The following PLCL1 variants were observed in gnomAD, a reference collection of about 807,000 sequenced individuals.
PLCL1 encodes the protein inactive phospholipase C-like protein 1.
PLCL1 carries 41 observed loss-of-function variants against 84.4 expected under a neutral mutation model. The ratio of observed to expected loss-of-function variants is 0.49; its 90% CI spans 0.38 to 0.63. The LOEUF (loss-of-function observed/expected upper bound fraction) is 0.63, where lower values mean the gene tolerates loss of function less well. PLCL1 is among the 30% of genes least tolerant of loss of function. The pLI is 0.00. For synonymous variants in PLCL1, 490 were observed against 488.3 expected, an observed-to-expected ratio of 1.00 and a Z score of -0.05; for missense variants, 1,206 against 1,367.8, an observed-to-expected ratio of 0.88 and a Z score of 1.87.
intron 1 of PLCL1, among the ~76,000 whole-genome samples, chr2:197,847,823 G>T (rs1161303448): frequency 6.6e-6 from 1 of 152,186 alleles, no homozygotes; most frequent in African/African-American, 2.4e-5. Flanking sequence ...ATGCCAAGCT[G>T]CATGTGACAG....
chr2:197,827,606 T>C (rs916330979), intron 1 of PLCL1, among the ~76,000 whole-genome samples: 9 of 152,160 alleles, frequency 5.9e-5, no homozygotes, highest in Non-Finnish European at 1.2e-4. Context: ...AATAAATCCA[T>C]TCAACTTTTG....
chr2:198,136,847 C>G (rs1226480990), intron 5 of PLCL1, among the ~76,000 whole-genome samples: 1 of 152,106 alleles, frequency 6.6e-6, no homozygotes, highest in Admixed American at 6.6e-5. Context: ...TTTTCCAGCA[C>G]TTATCCCACT....
Position 198,148,627 on chromosome 2 carries a change from T to C in PLCL1, c.*1665T>C, listed in dbSNP as rs1694581573. On this transcript the variant is annotated 3_prime_UTR_variant, in exon 6 of 6. Transcript: ENST00000428675. Reference sequence around the variant, plus strand: ...CCTGAAAAAATTTCTTTACCCTCTGTTATATTTAACTTGCTGGTAGGAGGA... The same window carrying C: ...CCTGAAAAAATTTCTTTACCCTCTGCTATATTTAACTTGCTGGTAGGAGGA... 1.3e-5 allele frequency: 2 copies of C among 152,260 alleles called. No individual in the cohort carries two copies. The highest frequency in any genetic ancestry group is 1.9e-4 in the East Asian group (1 of 5,324). 9.4% of individuals were successfully genotyped at this position (152,260 alleles called of 1,614,324 possible).
At chr2:197,846,066 G>A (rs1687116175) in intron 1 of PLCL1, among the ~76,000 whole-genome samples, 1 of 152,040 alleles carries the variant, frequency 6.6e-6, no homozygotes, top group African/African-American at 2.4e-5. Flanking sequence ...GAGAGGAAGA[G>A]GGGTATAAAA....
intron 1 of PLCL1, among the ~76,000 whole-genome samples, chr2:197,973,237 T>A (rs890849169): frequency 3.9e-5 from 6 of 152,308 alleles, no homozygotes; most frequent in African/African-American, 7.2e-5. Flanking sequence ...AAGTGCACTT[T>A]GCTTGGCGAC....
intron 1 of PLCL1, among the ~76,000 whole-genome samples, chr2:198,066,028 T>C (rs2105881130): frequency 6.6e-6 from 1 of 152,252 alleles, no homozygotes; most frequent in African/African-American, 2.4e-5. Flanking sequence ...TTACTGAAAA[T>C]TTCAAGGAAT....
chr2:197,875,362 A>T (rs1687715413), intron 1 of PLCL1, among the ~76,000 whole-genome samples: 1 of 152,186 alleles, frequency 6.6e-6, no homozygotes, highest in Admixed American at 6.5e-5. Flanking sequence ...GGATAAGGAC[A>T]GTCAGGAAAT....
intron 1 of PLCL1, among the ~76,000 whole-genome samples, chr2:197,835,502 C>T (rs758265980): frequency 3.1e-4 from 47 of 152,182 alleles, no homozygotes; most frequent in Non-Finnish European, 6.0e-4. Flanking sequence ...GTTATACTTT[C>T]TGTCTCTATG....
At chr2:197,914,089 A>G (rs1688542298) in intron 1 of PLCL1, among the ~76,000 whole-genome samples, 2 of 152,146 alleles carry the variant, frequency 1.3e-5, no homozygotes, top group South Asian at 2.1e-4. Flanking sequence ...GTAACCACTG[A>G]TAGTGTGGTC....
At chr2:198,133,533 A>G (rs1038425082) in intron 5 of PLCL1, among the ~76,000 whole-genome samples, 2 of 151,784 alleles carry the variant, frequency 1.3e-5, no homozygotes, top group African/African-American at 4.8e-5. Flanking sequence ...TAATAAAAAA[A>G]AAAAACTTCC....
At chr2:197,897,666 A>C (rs1421835915) in intron 1 of PLCL1, among the ~76,000 whole-genome samples, 1 of 152,234 alleles carries the variant, frequency 6.6e-6, no homozygotes, top group Non-Finnish European at 1.5e-5. Flanking sequence ...TTTAGTGACC[A>C]AAAACATAAA....
At chr2:198,010,023 C>T (rs1398161167) in intron 1 of PLCL1, among the ~76,000 whole-genome samples, 4 of 151,902 alleles carry the variant, frequency 2.6e-5, no homozygotes, top group African/African-American at 9.7e-5. Flanking sequence ...TTTTGATCAT[C>T]GATTTTGAAT....
intron 5 of PLCL1, among the ~76,000 whole-genome samples, chr2:198,128,182 C>T (rs1216121432): frequency 6.6e-6 from 1 of 152,124 alleles, no homozygotes; most frequent in Non-Finnish European, 1.5e-5. Flanking sequence ...CTGAATGGAC[C>T]TGTCCTATGG....
intron 1 of PLCL1, among the ~76,000 whole-genome samples, chr2:198,080,929 G>A (rs934029085): frequency 1.3e-5 from 2 of 152,154 alleles, no homozygotes; most frequent in African/African-American, 4.8e-5. Flanking sequence ...CAGGCTAGAT[G>A]TAAAACATGT....
chr2:198,107,830 A>T (rs189201600), intron 5 of PLCL1, among the ~76,000 whole-genome samples: 1 of 152,006 alleles, frequency 6.6e-6, no homozygotes, highest in Admixed American at 6.6e-5. Context: ...CAGCTTGAGC[A>T]CTAGAGTAGT....
At chr2:198,134,545 T>C (rs971153598) in intron 5 of PLCL1, among the ~76,000 whole-genome samples, 1 of 152,172 alleles carries the variant, frequency 6.6e-6, no homozygotes, top group African/African-American at 2.4e-5. Context: ...CATGCCAGCA[T>C]AGAAGGGTGG....
intron 1 of PLCL1, among the ~76,000 whole-genome samples, chr2:198,059,132 A>G (rs1158203552): frequency 9.2e-5 from 14 of 151,912 alleles, no homozygotes; most frequent in Admixed American, 9.2e-4. Context: ...TATTCTGGCT[A>G]CTCTCCTGTA....
rs142325664 is a variant in PLCL1 at position 197,920,025 on chromosome 2, G to A, written c.240+114686G>A. Among the ~76,000 whole-genome samples, 260 of 152,222 alleles carry A rather than the reference G, an allele frequency of 1.7e-3. 1 individual carries two copies. The highest frequency in any genetic ancestry group is 0.014 in the Middle Eastern group (4 of 294). On this transcript the variant is annotated intron_variant, in intron 1 of 5. Coordinates refer to ENST00000428675, the MANE Select transcript of PLCL1 (RefSeq NM_006226.4). ...AGGGTAATAATAATGCCTAGCCATA[G>A]GGTGGTCATGAAAATGAAATAAGAT...
intron 5 of PLCL1, among the ~76,000 whole-genome samples, chr2:198,126,531 G>A (rs767766369): frequency 6.6e-6 from 1 of 152,092 alleles, no homozygotes; most frequent in Non-Finnish European, 1.5e-5. Flanking sequence ...CTACGTTAGC[G>A]CTGAGCTCAT....
Sources: gnomAD v4.1 joint callset for allele counts (sites outside exome capture counted in the v4.1 genomes callset) on GRCh38, gnomAD v4.1.1 for gene constraint, MANE v1.5 for transcripts, NCBI Gene and HGNC (gene_info 2026-07-23, HGNC 2026-07-21) for gene names.